The following MTHFD2 variants were observed in gnomAD, a reference collection of about 807,000 sequenced individuals.
MTHFD2 encodes the protein bifunctional methylenetetrahydrofolate dehydrogenase/cyclohydrolase, mitochondrial.
A neutral mutation model predicts 36.8 loss-of-function variants in MTHFD2; 26 were observed. That is an observed-to-expected ratio of 0.71 (90% CI 0.52 to 0.98). The LOEUF is 0.98. MTHFD2 is among the 50% of genes least tolerant of loss of function. The pLI is 0.00. For missense variants in MTHFD2, 373 were observed against 434.0 expected (o/e 0.86, Z 1.25); for synonymous variants, 164 against 155.2 (o/e 1.06, Z -0.42).
chr2:74,210,806 G>A (rs1316015522), intron 5 of MTHFD2, among the ~76,000 whole-genome samples: 1 of 83,490 alleles, frequency 1.2e-5, no homozygotes, highest in Non-Finnish European at 2.1e-5. Flanking sequence ...TTTTTTTCCT[G>A]GAGATGGAGT....
At chr2:74,212,165 CTTCT>C (rs1047131869) in intron 7 of MTHFD2, among the ~76,000 whole-genome samples, 7 of 120,546 alleles carry the variant, frequency 5.8e-5, no homozygotes, top group South Asian at 2.3e-4. Flanking sequence ...CCTTCCCTTC[CTTCT>C]TTCTTTCCTT....
Position 74,208,640 on chromosome 2 carries a change from A to C in MTHFD2, c.481A>C (p.Asn161His), listed in dbSNP as rs1694237327. 1 of 1,614,192 alleles carries C rather than the reference A, an allele frequency of 6.2e-7. No individual in the cohort carries two copies. The highest frequency in any genetic ancestry group is 8.5e-7 in the Non-Finnish European group (1 of 1,180,004). The change falls in exon 4 of 8, where the codon AAT becomes CAT. Residue 161 changes from asparagine to histidine, a missense_variant. By Grantham distance (68) the Asn-to-His change is moderately conservative. Around this residue, in one of 2 missense-constraint regions of MTHFD2, gnomAD observed 308 missense variants for 397.8 expected, o/e 0.77. Transcript: ENST00000394053. ...GGATGTTGATGGCTTTCATGTAATT[A>C]ATGTAGGACGAATGTGTTTGGATCA... ...DKDVDGFHVI[N>H]VGRMCLDQYS...
chr2:74,209,898 T>C (rs1694267590), intron 4 of MTHFD2, 44 bp from the exon 5 acceptor site: 3 of 1,542,074 alleles, frequency 1.9e-6, no homozygotes, highest in African/African-American at 2.7e-5. Flanking sequence ...TTGTTTTCCT[T>C]TGGACTGGCA....
intron 3 of MTHFD2, 116 bp downstream of exon 3, chr2:74,207,942 T>C: frequency 9.2e-7 from 1 of 1,088,426 alleles, no homozygotes; most frequent in Non-Finnish European, 1.3e-6. Context: ...CTTGTCTCAC[T>C]CTGTCACCCA....
In MTHFD2 at chr2:74,213,977, TG is replaced by T. The variant is rs907598754; in HGVS notation, c.890-101del. On this transcript the variant is annotated intron_variant, in intron 7 of 7. Coordinates refer to ENST00000394053, the MANE Select transcript of MTHFD2 (RefSeq NM_006636.4). ...ATGTGATTTTTGAGTTTTATGCTTA[TG>T]TATGTTACTTTTTCCTTGCATGCTT... is the stretch of plus-strand genomic sequence containing the variant. The T allele has an allele frequency of 1.9e-5, 24 of 1,287,068 alleles. No homozygotes were observed. The African/African-American group carries it at 3.3e-4, about 18-fold the overall frequency. The allele number at this position is 1,287,068 out of a possible 1,614,324, so 79.7% of individuals were successfully genotyped here. A position where few individuals can be genotyped will look rare whatever the true frequency, so the allele number is the denominator to read the frequency against.
rs548325588 is a variant in MTHFD2 at position 74,208,423 on chromosome 2, T to C, written c.410-146T>C. 15 of 893,360 alleles carry C rather than the reference T, an allele frequency of 1.7e-5. No homozygotes were observed. In the East Asian group the frequency reaches 3.2e-4, roughly 19 times the overall value. 55.3% of individuals were successfully genotyped at this position (893,360 alleles called of 1,614,324 possible). On this transcript the variant is annotated intron_variant, in intron 3 of 7. Transcript: ENST00000394053. The stretch of plus-strand genomic sequence containing the variant: ...TTTGCTATTGGTGTTTGGCTTTGCT[T>C]ATGCGAGTTCCTTCCATGCAGATGA...
At chr2:74,207,102 A>G (rs1318692186) in intron 2 of MTHFD2, among the ~76,000 whole-genome samples, 1 of 152,012 alleles carries the variant, frequency 6.6e-6, no homozygotes, top group Non-Finnish European at 1.5e-5. Flanking sequence ...AACCAGAAAG[A>G]CTGGCTGTAT....
rs983555605 is a variant in MTHFD2 at position 74,214,197 on chromosome 2, G to A, written c.1008G>A (p.Glu336=). The A allele has an allele frequency of 2.5e-6, 4 of 1,613,990 alleles. No homozygotes were observed. The African/African-American group carries it at 5.3e-5, about 22-fold the overall frequency. Residue 336 remains glutamate, a synonymous_variant, in exon 8 of 8, where the codon GAG becomes GAA. Coordinates refer to ENST00000394053, the MANE Select transcript of MTHFD2 (RefSeq NM_006636.4). Reference sequence around the variant, plus strand: ...CAAAAAAGGTGCTGAGGCTTGAAGAGCGAGAAGTGCTGAAGTCTAAAGAGC... The same window carrying A: ...CAAAAAAGGTGCTGAGGCTTGAAGAACGAGAAGTGCTGAAGTCTAAAGAGC... ...IAAKKVLRLE[E]REVLKSKELG...
intron 6 of MTHFD2, 149 bp from the exon 7 acceptor site, chr2:74,211,587 TAAAAG>T: frequency 4.2e-6 from 3 of 715,226 alleles, no homozygotes; most frequent in East Asian, 3.2e-5. Flanking sequence ...AAAAAAATAA[TAAAAG>T]TAAATAGTTC....
intron 1 of MTHFD2, among the ~76,000 whole-genome samples, chr2:74,198,964 G>T (rs1184861101): frequency 1.3e-5 from 2 of 152,194 alleles, no homozygotes; most frequent in Non-Finnish European, 2.9e-5. Flanking sequence ...CCCGAAGCCC[G>T]CCTTTCGGAG....
At chr2:74,209,917 A>C (rs1246645154) in intron 4 of MTHFD2, 25 bp from the exon 5 acceptor site, 1 of 1,589,706 alleles carries the variant, frequency 6.3e-7, no homozygotes, top group Admixed American at 1.8e-5. Context: ...CACTACTTTT[A>C]ATGTCAATAC....
intron 1 of MTHFD2, among the ~76,000 whole-genome samples, chr2:74,203,042 A>G (rs2103808522): frequency 1.3e-5 from 2 of 151,860 alleles, no homozygotes; most frequent in South Asian, 4.2e-4. Context: ...GCCCTGTTAC[A>G]CAGTCTGGAG....
Position 74,203,802 on chromosome 2 carries a change from T to G in MTHFD2, c.102-1903T>G, listed in dbSNP as rs576943718. ...GGACAGAGATCTAAAGGGAAAGGCT[T>G]TTTTTAATGGGATCATTTTACTTAA... On this transcript the variant is annotated intron_variant, in intron 1 of 7. Coordinates refer to ENST00000394053, the MANE Select transcript of MTHFD2 (RefSeq NM_006636.4). Among the ~76,000 whole-genome samples the G allele has an allele frequency of 3.9e-5, 6 of 152,172 alleles. No individual in the cohort carries two copies. In the South Asian group the frequency reaches 8.3e-4, roughly 21 times the overall value.
chr2:74,214,410 T>G lies in MTHFD2; in HGVS notation c.*168T>G. ...GGTGTTTCTGCACATACCTCTGCAG[T>G]ACCTCACCAGGGAGCATTCCAGTAT... On this transcript the variant is annotated 3_prime_UTR_variant, in exon 8 of 8. Coordinates refer to ENST00000394053, the MANE Select transcript of MTHFD2 (RefSeq NM_006636.4). 2 of 625,542 alleles carry G rather than the reference T, an allele frequency of 3.2e-6. No individual in the cohort carries two copies. The highest frequency in any genetic ancestry group is 2.6e-6 in the Non-Finnish European group (1 of 385,832). The allele number at this position is 625,542 out of a possible 1,614,324, so 38.7% of individuals were successfully genotyped here. A position where few individuals can be genotyped will look rare whatever the true frequency, so the allele number is the denominator to read the frequency against.
In MTHFD2 at chr2:74,206,306, G is replaced by A. The variant is rs572465439; in HGVS notation, c.286+417G>A. 11 of 155,512 alleles carry A rather than the reference G, an allele frequency of 7.1e-5. No individual in the cohort carries two copies. The South Asian group carries it at 1.5e-3, about 22-fold the overall frequency. 9.6% of individuals were successfully genotyped at this position (155,512 alleles called of 1,614,324 possible). ...TAGGTGACCTCAGTGATGAGGTCAG[G>A]AACACAGTCGTAGATTTGAAGGAAA... On this transcript the variant is annotated intron_variant, in intron 2 of 7. Coordinates refer to ENST00000394053, the MANE Select transcript of MTHFD2 (RefSeq NM_006636.4).
intron 1 of MTHFD2, among the ~76,000 whole-genome samples, chr2:74,204,435 T>A (rs911516196): frequency 2.6e-5 from 4 of 152,166 alleles, no homozygotes; most frequent in Non-Finnish European, 5.9e-5. Context: ...CAGCAACAGT[T>A]TTCTGATTTC....
At chr2:74,199,296 G>A (rs1443954908) in intron 1 of MTHFD2, among the ~76,000 whole-genome samples, 1 of 152,120 alleles carries the variant, frequency 6.6e-6, no homozygotes, top group Non-Finnish European at 1.5e-5. Flanking sequence ...CGCTGCCTCC[G>A]CTCTGCCAGG....
At chr2:74,210,959 G>GT (rs896362331) in intron 5 of MTHFD2, among the ~76,000 whole-genome samples, 7 of 152,096 alleles carry the variant, frequency 4.6e-5, no homozygotes, top group African/African-American at 1.7e-4. Context: ...GCTAATTTTT[G>GT]TATTTTTAGT....
chr2:74,209,790 T>C (rs1473078321), intron 4 of MTHFD2, 152 bp from the exon 5 acceptor site: 2 of 520,736 alleles, frequency 3.8e-6, no homozygotes, highest in African/African-American at 3.9e-5. Flanking sequence ...TGTAGTATGC[T>C]TTCTCCTGTT....
Sources: allele counts gnomAD v4.1 joint callset (sites outside exome capture counted in the v4.1 genomes callset), GRCh38; gene constraint gnomAD v4.1.1; regional missense constraint gnomAD v4.1.1; transcripts MANE v1.5; gene names NCBI Gene and HGNC (gene_info 2026-07-23, HGNC 2026-07-21).